HCRTR2: variants seen among roughly 807,000 people sequenced by gnomAD.
HCRTR2 encodes the protein orexin receptor type 2.
Under a neutral mutation model 49.0 loss-of-function variants are expected in HCRTR2, and 22 were observed. The ratio of observed to expected loss-of-function variants is 0.45; its 90% confidence interval spans 0.32 to 0.64. The LOEUF (loss-of-function observed/expected upper bound fraction) is 0.64. Among genes scored for constraint, HCRTR2 ranks in the 30% least tolerant of loss-of-function variants. The pLI is 0.04. For synonymous variants in HCRTR2, 236 were observed against 205.3 expected (o/e 1.15, Z -1.28); for missense variants, 491 against 559.4 (o/e 0.88, Z 1.23).
Position 55,148,024 on chromosome 6 carries a change from TTA to T in HCRTR2, c.-377-26186_-377-26185del, listed in dbSNP as rs778096267. 5.4e-4 allele frequency among the ~76,000 whole-genome samples: 77 copies of T among 143,380 alleles called. 1 individual carries two copies. The highest frequency in any genetic ancestry group is 1.8e-3 in the African/African-American group (75 of 40,804). The allele number at this position is 143,380 out of a possible 152,430, so 94.1% of individuals were successfully genotyped here. A position where few individuals can be genotyped will look rare whatever the true frequency, so the allele number is the denominator to read the frequency against. On this transcript the variant is annotated intron_variant, in intron 1 of 7. Transcript: ENST00000615358. Reference sequence around the variant, plus strand: ...TTTGTAGAATCTGCCTGAATGGACTTTAGTTAGAGTTTGTTGTTAGAGATCAT... The same window carrying T: ...TTTGTAGAATCTGCCTGAATGGACTTGTTAGAGTTTGTTGTTAGAGATCAT...
At chr6:55,267,502 ACT>A (rs1229484171) in intron 4 of HCRTR2, among the ~76,000 whole-genome samples, 6 of 147,004 alleles carry the variant, frequency 4.1e-5, no homozygotes, top group African/African-American at 1.5e-4. Context: ...AGCTTGCTTG[ACT>A]CTTTCATTTA....
intron 1 of HCRTR2, among the ~76,000 whole-genome samples, chr6:55,215,524 A>AAAC (rs1261450685): frequency 5.3e-5 from 8 of 152,204 alleles, no homozygotes; most frequent in Non-Finnish European, 1.2e-4. Context: ...TATAAAGGAA[A>AAAC]AACAACGGGA....
chr6:55,181,020 C>T (rs1195286313), intron 1 of HCRTR2, among the ~76,000 whole-genome samples: 1 of 149,832 alleles, frequency 6.7e-6, no homozygotes, highest in South Asian at 2.1e-4. Context: ...CTTGGCTAGG[C>T]TGGTCTTGAA....
intron 1 of HCRTR2, among the ~76,000 whole-genome samples, chr6:55,220,498 T>C (rs539631072): frequency 5.3e-5 from 8 of 152,204 alleles, no homozygotes; most frequent in African/African-American, 1.4e-4. Context: ...TTTGACAAAG[T>C]TTAATACCCT....
At chr6:55,164,147 G>C (rs1165713080) in intron 1 of HCRTR2, among the ~76,000 whole-genome samples, 1 of 152,192 alleles carries the variant, frequency 6.6e-6, no homozygotes, top group Non-Finnish European at 1.5e-5. Context: ...AGGATGTGGA[G>C]AAATAGGAAC....
At chr6:55,241,474 T>A (rs919171052) in intron 1 of HCRTR2, among the ~76,000 whole-genome samples, 2 of 152,162 alleles carry the variant, frequency 1.3e-5, no homozygotes, top group Admixed American at 6.5e-5. Context: ...ATATTTTTTA[T>A]GTACATAACA....
intron 5 of HCRTR2, among the ~76,000 whole-genome samples, chr6:55,278,098 T>C (rs958821238): frequency 3.9e-5 from 6 of 152,194 alleles, no homozygotes; most frequent in Admixed American, 3.9e-4. Flanking sequence ...AAGGCAGATA[T>C]GTATGTCGAA....
intron 1 of HCRTR2, among the ~76,000 whole-genome samples, chr6:55,195,418 G>A (rs1196504856): frequency 6.6e-6 from 1 of 151,758 alleles, no homozygotes; most frequent in Non-Finnish European, 1.5e-5. Context: ...ATAGAGAGAA[G>A]GTAACTGAAA....
chr6:55,189,978 G>A (rs1441835556), intron 1 of HCRTR2, among the ~76,000 whole-genome samples: 4 of 152,046 alleles, frequency 2.6e-5, no homozygotes, highest in Non-Finnish European at 5.9e-5. Context: ...CAGAAATCAG[G>A]GCTTGTTCCC....
intron 1 of HCRTR2, among the ~76,000 whole-genome samples, chr6:55,227,684 C>T (rs1581842264): frequency 6.6e-6 from 1 of 152,062 alleles, no homozygotes; most frequent in African/African-American, 2.4e-5. Context: ...CACTAGTCTC[C>T]CCATGGTGCA....
At chr6:55,134,133 T>C (rs1764401435) in intron 1 of HCRTR2, among the ~76,000 whole-genome samples, 3 of 151,886 alleles carry the variant, frequency 2.0e-5, no homozygotes. Flanking sequence ...ACTAAGCACA[T>C]TTTATTTCTA....
chr6:55,276,823 C>G (rs1003162523), intron 4 of HCRTR2, among the ~76,000 whole-genome samples: 2 of 152,094 alleles, frequency 1.3e-5, no homozygotes, highest in Admixed American at 6.6e-5. Context: ...TAGTGAACAA[C>G]AAAAAATACT....
intron 1 of HCRTR2, among the ~76,000 whole-genome samples, chr6:55,119,137 A>T (rs1167492771): frequency 6.6e-6 from 1 of 151,998 alleles, no homozygotes; most frequent in African/African-American, 2.4e-5. Flanking sequence ...TCATGGCTGC[A>T]CAGTATTCCA....
At chr6:55,224,827 T>C (rs1765971308) in intron 1 of HCRTR2, among the ~76,000 whole-genome samples, 1 of 151,936 alleles carries the variant, frequency 6.6e-6, no homozygotes, top group South Asian at 2.1e-4. Flanking sequence ...AAATATAGAG[T>C]AGAATGGTGA....
At chr6:55,213,305 CT>C (rs1264989001) in intron 1 of HCRTR2, among the ~76,000 whole-genome samples, 1 of 152,122 alleles carries the variant, frequency 6.6e-6, no homozygotes, top group African/African-American at 2.4e-5. Flanking sequence ...CTTGTGGCAT[CT>C]TCTTAAAATT....
chr6:55,278,727 AATT>A (rs201178077), intron 5 of HCRTR2, among the ~76,000 whole-genome samples: 7,226 of 144,576 alleles, frequency 0.05, 369 homozygotes, highest in African/African-American at 0.14. Context: ...GCTTCTTATT[AATT>A]ATTATTATTA....
intron 1 of HCRTR2, among the ~76,000 whole-genome samples, chr6:55,221,824 A>AT (rs1254325632): frequency 6.6e-6 from 1 of 152,066 alleles, no homozygotes; most frequent in Non-Finnish European, 1.5e-5. Context: ...AAAAAAAAAA[A>AT]AATACAAGAT....
In HCRTR2 at chr6:55,282,213, T is replaced by A; in HGVS notation, c.1106-12T>A. 6.3e-7 allele frequency: 1 copy of A among 1,589,420 alleles called. No homozygotes were observed. The highest frequency in any genetic ancestry group is 1.1e-5 in the South Asian group (1 of 90,266). ...TATAATTCCTTTTCCTTTCATTCTC[T>A]CTGTTTGCCAGGAAAATTTCGAGAG... On this transcript the variant is annotated splice_polypyrimidine_tract_variant and intron_variant, in intron 6 of 6. Coordinates refer to ENST00000370862, the MANE Select transcript of HCRTR2 (RefSeq NM_001384272.1).
intron 1 of HCRTR2, among the ~76,000 whole-genome samples, chr6:55,121,630 G>T (rs937670937): frequency 6.6e-6 from 1 of 152,058 alleles, no homozygotes; most frequent in Non-Finnish European, 1.5e-5. Flanking sequence ...TTTGAGATAT[G>T]TCCCATCAAT....
Sources: allele counts gnomAD v4.1 joint callset (sites outside exome capture counted in the v4.1 genomes callset), GRCh38; gene constraint gnomAD v4.1.1; transcripts MANE v1.5; gene names NCBI Gene and HGNC (gene_info 2026-07-23, HGNC 2026-07-21).